The following TMEM243 variants were observed in gnomAD, a reference collection of about 807,000 sequenced individuals.
TMEM243 encodes transmembrane protein 243.
A neutral mutation model predicts 15.0 loss-of-function variants in TMEM243; 20 were observed. The observed-to-expected ratio is 1.33, with a 90% CI of 0.94 to 1.93. TMEM243 has a LOEUF of 1.93. Ranked by LOEUF, TMEM243 falls within the 30% of genes most tolerant of loss-of-function variation. The pLI is 0.00. For missense variants in TMEM243, 156 were observed against 142.1 expected, an observed-to-expected ratio of 1.10 and a Z score of -0.50; for synonymous variants, 72 against 52.7, an observed-to-expected ratio of 1.37 and a Z score of -1.59.
intron 1 of TMEM243, among the ~76,000 whole-genome samples, chr7:87,203,593 C>G (rs1801982999): frequency 7.0e-6 from 1 of 142,606 alleles, no homozygotes; most frequent in South Asian, 2.2e-4. Context: ...CCAGCCTGGA[C>G]AGAATGAGAA....
At chr7:87,208,221 C>T (rs1037701747) in intron 1 of TMEM243, among the ~76,000 whole-genome samples, 1 of 152,230 alleles carries the variant, frequency 6.6e-6, no homozygotes, top group African/African-American at 2.4e-5. Context: ...TCTGAAGTCT[C>T]ATCTGAGACA....
At chr7:87,209,689 A>AGACACAGT (rs1237661489) in intron 1 of TMEM243, among the ~76,000 whole-genome samples, 18,652 of 59,764 alleles carry the variant, frequency 0.31, 4,405 homozygotes, top group Middle Eastern at 0.46. Context: ...AGACACAGCG[A>AGACACAGT]GAGAGCGAGA....
At chr7:87,218,520 G>A (rs950621549) in intron 1 of TMEM243, 4 of 152,040 alleles carry the variant, frequency 2.6e-5, no homozygotes, top group African/African-American at 4.8e-5. Context: ...CGGAAGCTCT[G>A]GACTCTACAC....
At chr7:87,208,731 A>G (rs969922033) in intron 1 of TMEM243, among the ~76,000 whole-genome samples, 7 of 152,350 alleles carry the variant, frequency 4.6e-5, no homozygotes, top group South Asian at 2.1e-4. Flanking sequence ...GTTCAGCCCA[A>G]TGTTGCACTT....
At chr7:87,213,742 T>C (rs1802918067) in intron 1 of TMEM243, among the ~76,000 whole-genome samples, 1 of 151,930 alleles carries the variant, frequency 6.6e-6, no homozygotes, top group Non-Finnish European at 1.5e-5. Context: ...CTAACACTAA[T>C]CATAAAAAGC....
intron 1 of TMEM243, among the ~76,000 whole-genome samples, chr7:87,209,666 G>GAGACAGAGCGAGAGAGAC (rs149690626): frequency 3.0e-5 from 4 of 132,042 alleles, no homozygotes; most frequent in African/African-American, 1.2e-4. Flanking sequence ...CAGAGCGAGA[G>GAGACAGAGCGAGAGAGAC]AGAGCGAGAG....
At chr7:87,211,709 T>A (rs1354727364) in intron 1 of TMEM243, among the ~76,000 whole-genome samples, 3 of 152,110 alleles carry the variant, frequency 2.0e-5, no homozygotes, top group African/African-American at 7.2e-5. Flanking sequence ...TGTCCAGGGA[T>A]TTAATATGGG....
intron 1 of TMEM243, among the ~76,000 whole-genome samples, chr7:87,209,636 G>A (rs1302237139): frequency 7.8e-6 from 1 of 128,330 alleles, no homozygotes; most frequent in African/African-American, 3.2e-5. Context: ...GAGATAGAGA[G>A]CGAGAGAGAC....
At chr7:87,215,074 G>A (rs1017463148) in intron 1 of TMEM243, among the ~76,000 whole-genome samples, 1 of 152,214 alleles carries the variant, frequency 6.6e-6, no homozygotes, top group Non-Finnish European at 1.5e-5. Context: ...CTGAGCATCT[G>A]AAACATGGCT....
chr7:87,216,223 G>A (rs949785691), intron 1 of TMEM243, among the ~76,000 whole-genome samples: 20 of 146,514 alleles, frequency 1.4e-4, no homozygotes, highest in African/African-American at 4.1e-4. Context: ...GCAGTGAGCC[G>A]AGATTGCACC....
At chr7:87,213,828 C>T (rs1312520560) in intron 1 of TMEM243, among the ~76,000 whole-genome samples, 1 of 150,250 alleles carries the variant, frequency 6.7e-6, no homozygotes, top group Non-Finnish European at 1.5e-5. Context: ...ATACTTTTGT[C>T]TTTGGAACCA....
chr7:87,198,008 G>C lies in TMEM243; in HGVS notation c.167C>G (p.Pro56Arg). The C allele has an allele frequency of 1.2e-6, 2 of 1,612,686 alleles. No individual in the cohort carries two copies. The highest frequency in any genetic ancestry group is 1.7e-6 in the Non-Finnish European group (2 of 1,179,142). Reference sequence around the variant, plus strand: ...AAAGAATATATTCAACGGTTTTGGAGGTAGTTGAGGGAAAACAAAAGCACT... The same window carrying C: ...AAAGAATATATTCAACGGTTTTGGACGTAGTTGAGGGAAAACAAAAGCACT... ...LISAFVFPQL[P>R]PKPLNIFFAV... The change falls in exon 3 of 4, where the codon CCT becomes CGT. Residue 56 changes from proline to arginine, a missense_variant. Coordinates refer to ENST00000257637, the MANE Select transcript of TMEM243 (RefSeq NM_024315.4).
At chr7:87,217,908 T>C (rs180827140) in intron 1 of TMEM243, among the ~76,000 whole-genome samples, 2 of 152,370 alleles carry the variant, frequency 1.3e-5, no homozygotes, top group Admixed American at 6.5e-5. Context: ...TTTGCATAAA[T>C]GGACAAGTCC....
intron 1 of TMEM243, among the ~76,000 whole-genome samples, chr7:87,210,926 G>T (rs1362139114): frequency 2.6e-5 from 4 of 152,246 alleles, no homozygotes; most frequent in Non-Finnish European, 5.9e-5. Context: ...AGCCACCAAG[G>T]TTTGGGGCTT....
At chr7:87,199,569 ATCTTAAGAGACCATCCAG>A (rs2129221580) in intron 1 of TMEM243, 1 of 152,468 alleles carries the variant, frequency 6.6e-6, no homozygotes, top group Admixed American at 6.5e-5. Context: ...GGCACTTGCA[ATCTTAAGAGACCATCCAG>A]TCCAGTAGTT....
intron 1 of TMEM243, among the ~76,000 whole-genome samples, chr7:87,209,543 AGAGACAAT>A (rs1562884459): frequency 7.4e-5 from 2 of 26,970 alleles, no homozygotes; most frequent in Non-Finnish European, 1.4e-4. Context: ...AGAGAAAGTG[AGAGACAAT>A]GAGAGAGACA....
intron 1 of TMEM243, among the ~76,000 whole-genome samples, chr7:87,202,244 T>C (rs1801871471): frequency 6.6e-6 from 1 of 152,074 alleles, no homozygotes. Context: ...TCTTGGACAG[T>C]CAAGGAGAGA....
Position 87,196,681 on chromosome 7 carries a change from CATG to C in TMEM243, c.309_311del (p.Ile103del). 1 of 1,610,412 alleles carries C rather than the reference CATG, an allele frequency of 6.2e-7. No individual in the cohort carries two copies. The highest frequency in any genetic ancestry group is 8.5e-7 in the Non-Finnish European group (1 of 1,178,226). On this transcript the variant is annotated inframe_deletion, in exon 4 of 4. Transcript: ENST00000257637. Reference sequence around the variant, plus strand: ...AGTACAGGTTTGCACATATACACAACATGATGATAGAAAATATGATATAGTAAA... The same window carrying C: ...AGTACAGGTTTGCACATATACACAACATGATAGAAAATATGATATAGTAAA...
chr7:87,211,930 C>T (rs117208713), intron 1 of TMEM243, among the ~76,000 whole-genome samples: 1,570 of 152,316 alleles, frequency 0.01, 8 homozygotes, highest in Non-Finnish European at 0.016. Flanking sequence ...GCCGAGAGCA[C>T]GGGATGTGCA....
Sources: allele counts gnomAD v4.1 joint callset (sites outside exome capture counted in the v4.1 genomes callset), GRCh38; gene constraint gnomAD v4.1.1; transcripts MANE v1.5; gene names NCBI Gene and HGNC (gene_info 2026-07-23, HGNC 2026-07-21).